GLUD1: variants seen among roughly 807,000 people sequenced by gnomAD.
The protein encoded by GLUD1 is glutamate dehydrogenase 1.
In GLUD1, 22 loss-of-function variants were observed where a neutral mutation model predicts 56.0. The ratio of observed to expected loss-of-function variants is 0.39; its 90% CI spans 0.28 to 0.56. The LOEUF (loss-of-function observed/expected upper bound fraction) is 0.56, where lower values mean the gene tolerates loss of function less well. Among genes scored for constraint, GLUD1 ranks in the 20% least tolerant of loss-of-function variants. The pLI is 0.58. For missense variants in GLUD1, 451 were observed against 732.0 expected (o/e 0.62, Z 4.43); for synonymous variants, 223 against 269.9 (o/e 0.83, Z 1.70).
intron 3 of GLUD1, among the ~76,000 whole-genome samples, chr10:87,075,477 G>A (rs1369620735): frequency 2.0e-5 from 3 of 152,136 alleles, no homozygotes; most frequent in South Asian, 2.1e-4. Flanking sequence ...TTAAGTAGGT[G>A]ATCTTTATAT....
intron 1 of GLUD1, among the ~76,000 whole-genome samples, chr10:87,080,816 G>A (rs1841213750): frequency 6.6e-6 from 1 of 151,596 alleles, no homozygotes; most frequent in Non-Finnish European, 1.5e-5. Flanking sequence ...GAGCCTCTCC[G>A]CCCGGCAGCC....
At chr10:87,060,276 C>A (rs202076447) in intron 8 of GLUD1, 35 bp from the exon 9 acceptor site, 1 of 1,376,980 alleles carries the variant, frequency 7.3e-7, no homozygotes, top group East Asian at 2.3e-5. Context: ...GAAATGCGAA[C>A]ACCACCGTCA....
intron 1 of GLUD1, among the ~76,000 whole-genome samples, chr10:87,087,273 G>C (rs1037831442): frequency 2.6e-5 from 4 of 152,200 alleles, no homozygotes; most frequent in Admixed American, 2.0e-4. Context: ...GGAATTTGGA[G>C]GGTACCACCC....
rs1233113677 is a variant in GLUD1 at position 87,051,406 on chromosome 10, C to T, written c.*345G>A. The T allele has an allele frequency of 1.0e-5, 4 of 382,756 alleles. No individual in the cohort carries two copies. Among genetic ancestry groups the T allele is most frequent in the African/African-American group, 4.2e-5 (2 of 47,800 alleles). The allele number at this position is 382,756 out of a possible 1,614,324, so 23.7% of individuals were successfully genotyped here. A position where few individuals can be genotyped will look rare whatever the true frequency, so the allele number is the denominator to read the frequency against. On this transcript the variant is annotated 3_prime_UTR_variant, in exon 13 of 13. Transcript: ENST00000277865. ...TCATCCAGAAAAAATAAGCAAGCAA[C>T]TGACTGCTCTTGACTGTTCCTCCCC...
In GLUD1 at chr10:87,060,145, A is replaced by G. The variant is rs765953369; in HGVS notation, c.1278+16T>C. On this transcript the variant is annotated intron_variant, in intron 9 of 12. Transcript: ENST00000277865. ...TTCTAAGTACATATAAAGCCTAATA[A>G]ATATAGATGACTTACTGGAATAACC... 1 of 1,492,094 alleles carries G rather than the reference A, an allele frequency of 6.7e-7. No homozygotes were observed. Among genetic ancestry groups the G allele is most frequent in the Non-Finnish European group, 9.4e-7 (1 of 1,068,642 alleles). The allele number at this position is 1,492,094 out of a possible 1,614,324, so 92.4% of individuals were successfully genotyped here.
At position 87,094,762 on chromosome 10, in the gene GLUD1, C is replaced by T. The variant is rs762140962; in HGVS notation, c.8G>A (p.Arg3His). Residue 3 changes from arginine (R) to histidine (H), a missense_variant, in exon 1 of 13, where the codon CGC becomes CAC. By Grantham distance (29) the Arg-to-His change is conservative. Coordinates refer to ENST00000277865, the MANE Select transcript of GLUD1 (RefSeq NM_005271.5). The surrounding 1 kb of genome is among the most constrained non-coding windows in gnomAD (Gnocchi z 6.6). MY[R>H]YLGEALLLSR... ...CAGCAACAGCGCTTCGCCCAGGTAG[C>T]GGTACATGGCCACAAGCGGAGGGGA... 2.0e-6 allele frequency: 3 copies of T among 1,537,322 alleles called. No individual in the cohort carries two copies. The Admixed American group carries it at 5.6e-5, about 28-fold the overall frequency.
intron 12 of GLUD1, 140 bp from the exon 13 acceptor site, chr10:87,052,010 C>A: frequency 1.1e-6 from 1 of 930,688 alleles, no homozygotes; most frequent in Non-Finnish European, 1.8e-6. Context: ...AGACAAACTA[C>A]TCTAGCAGCA....
At chr10:87,071,179 T>C (rs1187453602) in intron 4 of GLUD1, among the ~76,000 whole-genome samples, 1 of 151,802 alleles carries the variant, frequency 6.6e-6, no homozygotes, top group African/African-American at 2.4e-5. Flanking sequence ...ACAGATATAT[T>C]CTTTTTGTTT....
At chr10:87,073,657 T>C (rs1184517140) in intron 4 of GLUD1, among the ~76,000 whole-genome samples, 1 of 141,430 alleles carries the variant, frequency 7.1e-6, no homozygotes, top group African/African-American at 2.8e-5. Flanking sequence ...CTCGCTCTGT[T>C]GCCCAGGCTG....
chr10:87,085,597 T>G (rs896963872), intron 1 of GLUD1, among the ~76,000 whole-genome samples: 33 of 152,272 alleles, frequency 2.2e-4, no homozygotes, highest in African/African-American at 7.7e-4. Flanking sequence ...CATTAAAAAT[T>G]TAAAATTATA....
chr10:87,085,015 A>G (rs1191369633), intron 1 of GLUD1, among the ~76,000 whole-genome samples: 1 of 152,228 alleles, frequency 6.6e-6, no homozygotes, highest in Non-Finnish European at 1.5e-5. Context: ...GACATTCAGC[A>G]TGGGAAGGAG....
intron 5 of GLUD1, among the ~76,000 whole-genome samples, chr10:87,065,834 G>A (rs1045623093): frequency 7.9e-5 from 12 of 152,106 alleles, no homozygotes; most frequent in African/African-American, 2.2e-4. Context: ...TATTACTACT[G>A]TCATTTTGCA....
intron 1 of GLUD1, among the ~76,000 whole-genome samples, chr10:87,080,087 G>A (rs1423709648): frequency 1.3e-5 from 2 of 151,822 alleles, no homozygotes; most frequent in Admixed American, 6.6e-5. Flanking sequence ...GCAGGCGCGC[G>A]CCGCCACGCC....
intron 1 of GLUD1, chr10:87,091,680 G>T (rs571129085): frequency 3.8e-5 from 16 of 416,102 alleles, no homozygotes; most frequent in African/African-American, 2.8e-4. Flanking sequence ...CTTGGAAAAA[G>T]TACACATCAG....
At chr10:87,092,989 G>T (rs1841553649) in intron 1 of GLUD1, among the ~76,000 whole-genome samples, 1 of 152,228 alleles carries the variant, frequency 6.6e-6, no homozygotes, top group South Asian at 2.1e-4. Flanking sequence ...GAAATCAGAG[G>T]TCAAAGTGGT....
At chr10:87,092,042 A>G (rs749830816) in intron 1 of GLUD1, among the ~76,000 whole-genome samples, 1 of 152,220 alleles carries the variant, frequency 6.6e-6, no homozygotes, top group Non-Finnish European at 1.5e-5. Flanking sequence ...GGGACTACAA[A>G]GGTTAACAAT....
At chr10:87,093,796 T>C (rs1169591792) in intron 1 of GLUD1, 2 of 586,996 alleles carry the variant, frequency 3.4e-6, no homozygotes, top group Non-Finnish European at 2.8e-6. Flanking sequence ...TAAATTCCTT[T>C]GGTTAATAAA....
At chr10:87,088,445 A>G (rs945364690) in intron 1 of GLUD1, among the ~76,000 whole-genome samples, 1 of 152,222 alleles carries the variant, frequency 6.6e-6, no homozygotes, top group Non-Finnish European at 1.5e-5. Context: ...AATATAGACT[A>G]TAGTTCATAA....
intron 11 of GLUD1, among the ~76,000 whole-genome samples, chr10:87,054,871 A>G (rs532074188): frequency 8.5e-5 from 13 of 152,228 alleles, no homozygotes; most frequent in Non-Finnish European, 1.6e-4. Flanking sequence ...CTAAGAAATG[A>G]AAGCACAAAG....
Sources: gnomAD v4.1 joint callset for allele counts (sites outside exome capture counted in the v4.1 genomes callset) on GRCh38, gnomAD v4.1.1 for gene constraint, Gnocchi (gnomAD v3.1) non-coding constraint, MANE v1.5 for transcripts, NCBI Gene and HGNC (gene_info 2026-07-23, HGNC 2026-07-21) for gene names.